PAPSS1: variants seen among roughly 807,000 people sequenced by gnomAD.
The protein encoded by PAPSS1 is 3'-phosphoadenosine 5'-phosphosulfate synthase 1.
A neutral mutation model predicts 72.0 loss-of-function variants in PAPSS1; 50 were observed. That is an observed-to-expected ratio of 0.69 (90% confidence interval 0.55 to 0.88). The LOEUF (loss-of-function observed/expected upper bound fraction) is 0.88, where lower values mean the gene tolerates loss of function less well. PAPSS1 is among the 40% of genes least tolerant of loss of function. The probability of loss-of-function intolerance (pLI) is 0.00; values close to 1 mark genes in which losing one functional copy is unlikely to be tolerated. For synonymous variants in PAPSS1, 261 were observed against 263.6 expected (o/e 0.99, Z 0.09); for missense variants, 657 against 782.2 (o/e 0.84, Z 1.91).
intron 3 of PAPSS1, among the ~76,000 whole-genome samples, chr4:107,691,012 C>T (rs138631148): frequency 8.8e-4 from 134 of 152,162 alleles, no homozygotes; most frequent in African/African-American, 2.9e-3. Context: ...TATTATGCTC[C>T]TATTATTTAT....
At position 107,701,151 on chromosome 4, in the gene PAPSS1, T is replaced by C. The variant is rs1189202849; in HGVS notation, c.175+20A>G. The C allele has an allele frequency of 1.9e-6, 3 of 1,540,728 alleles. No homozygotes were observed. The highest frequency in any genetic ancestry group is 2.2e-5 in the East Asian group (1 of 44,498). On this transcript the variant is annotated intron_variant, in intron 2 of 11. Transcript: ENST00000265174. ...ATGCACTGCTTTTAAAATAAACTGC[T>C]TTCTCTCTCTTGACCATACCTGTTA...
intron 1 of PAPSS1, among the ~76,000 whole-genome samples, chr4:107,718,671 A>G (rs1578444295): frequency 1.3e-5 from 2 of 152,264 alleles, no homozygotes; most frequent in South Asian, 4.1e-4. Flanking sequence ...GTCTAGCACA[A>G]GTCTCTACAT....
chr4:107,637,472 T>C (rs367574584), intron 10 of PAPSS1, among the ~76,000 whole-genome samples: 1 of 152,266 alleles, frequency 6.6e-6, no homozygotes, highest in East Asian at 1.9e-4. Context: ...CACTAAACCA[T>C]TCTCTCCCCA....
chr4:107,621,123 C>T (rs1431951810), intron 11 of PAPSS1, among the ~76,000 whole-genome samples: 2 of 152,094 alleles, frequency 1.3e-5, no homozygotes, highest in African/African-American at 4.8e-5. Flanking sequence ...CTACCTGCCC[C>T]CAGTGATACC....
At chr4:107,681,991 A>G in intron 5 of PAPSS1, 24 bp downstream of exon 5, 3 of 1,144,098 alleles carry the variant, frequency 2.6e-6, no homozygotes, top group Non-Finnish European at 1.3e-6. Flanking sequence ...TTCTCTGATG[A>G]TTCCTTCTTT....
intron 1 of PAPSS1, among the ~76,000 whole-genome samples, chr4:107,707,612 C>A (rs1723371833): frequency 6.6e-6 from 1 of 152,170 alleles, no homozygotes; most frequent in Non-Finnish European, 1.5e-5. Flanking sequence ...TCTTTCTCCA[C>A]GTGCTGCCTG....
rs141060947 is a variant in PAPSS1 at position 107,670,188 on chromosome 4, A to G, written c.670-10116T>C. Among the ~76,000 whole-genome samples, 24 of 152,344 alleles carry G rather than the reference A, an allele frequency of 1.6e-4. 1 individual carries two copies. In the East Asian group the frequency reaches 4.6e-3, roughly 29 times the overall value. Reference sequence around the variant, plus strand: ...TACTATAAATATGTCCCTTATAATAAGGACTCAGCAAATGTTAATTTCTTA... The same window carrying G: ...TACTATAAATATGTCCCTTATAATAGGGACTCAGCAAATGTTAATTTCTTA... On this transcript the variant is annotated intron_variant, in intron 5 of 11. Transcript: ENST00000265174.
chr4:107,692,306 A>C (rs1171826573), intron 3 of PAPSS1, among the ~76,000 whole-genome samples: 1 of 152,112 alleles, frequency 6.6e-6, no homozygotes, highest in Non-Finnish European at 1.5e-5. Flanking sequence ...ACAAGAAAAA[A>C]ACATTAAAAA....
chr4:107,638,334 T>A (rs896224313), intron 10 of PAPSS1, among the ~76,000 whole-genome samples: 1 of 152,226 alleles, frequency 6.6e-6, no homozygotes, highest in Non-Finnish European at 1.5e-5. Flanking sequence ...GGAGTCTGAA[T>A]TCTTCATTTC....
At chr4:107,658,007 T>C (rs1727065504) in intron 6 of PAPSS1, among the ~76,000 whole-genome samples, 1 of 152,046 alleles carries the variant, frequency 6.6e-6, no homozygotes, top group Non-Finnish European at 1.5e-5. Flanking sequence ...ATCATAGGGC[T>C]AGAAGGTATA....
intron 5 of PAPSS1, among the ~76,000 whole-genome samples, chr4:107,661,456 G>A (rs1439702227): frequency 6.6e-6 from 1 of 152,154 alleles, no homozygotes; most frequent in Non-Finnish European, 1.5e-5. Flanking sequence ...TCTTTAGTAG[G>A]TGAATAAACA....
chr4:107,644,850 T>C lies in PAPSS1; in HGVS notation c.1458A>G (p.Thr486=). Residue 486 remains threonine (T), a synonymous_variant, in exon 10 of 12, where the codon ACA becomes ACG. Transcript: ENST00000265174. The part of the protein sequence containing the change: ...LEEGVLNPET[T]VVAIFPSPMM... ...TGGGAGATGGGAAGATGGCCACCACTGTCGTCTCAGGATTCAGAACTCCTT... is the reference window on the plus strand; with the variant it reads ...TGGGAGATGGGAAGATGGCCACCACCGTCGTCTCAGGATTCAGAACTCCTT... The C allele has an allele frequency of 2.5e-6, 4 of 1,613,826 alleles. No homozygotes were observed. In the South Asian group the frequency reaches 3.3e-5, roughly 13 times the overall value.
chr4:107,644,763 T>C (rs376760638), intron 10 of PAPSS1, 39 bp downstream of exon 10: 160 of 1,566,526 alleles, frequency 1.0e-4, no homozygotes, highest in Non-Finnish European at 1.3e-4. Context: ...TAAGAGTGGC[T>C]TTAACACTGC....
chr4:107,618,153 G>T (rs1725870905), intron 11 of PAPSS1, among the ~76,000 whole-genome samples: 1 of 152,118 alleles, frequency 6.6e-6, no homozygotes, highest in Non-Finnish European at 1.5e-5. Flanking sequence ...TGTCAAAAAG[G>T]TAGAAAGAGA....
At chr4:107,707,466 A>C (rs1461440714) in intron 1 of PAPSS1, among the ~76,000 whole-genome samples, 1 of 152,062 alleles carries the variant, frequency 6.6e-6, no homozygotes, top group East Asian at 1.9e-4. Flanking sequence ...TTGGACGCTC[A>C]ATCCATAGGT....
intron 3 of PAPSS1, among the ~76,000 whole-genome samples, chr4:107,692,534 G>A (rs982047529): frequency 6.6e-6 from 1 of 152,172 alleles, no homozygotes; most frequent in African/African-American, 2.4e-5. Flanking sequence ...TACATTGTAG[G>A]TGAGAATGTA....
chr4:107,689,132 C>T (rs1346931482), intron 3 of PAPSS1, among the ~76,000 whole-genome samples: 1 of 152,030 alleles, frequency 6.6e-6, no homozygotes, highest in African/African-American at 2.4e-5. Flanking sequence ...CTCGGATCTG[C>T]TCAAAGCCAT....
intron 11 of PAPSS1, among the ~76,000 whole-genome samples, chr4:107,627,967 T>TA (rs569376052): frequency 1.1e-4 from 17 of 152,210 alleles, no homozygotes; most frequent in Non-Finnish European, 2.4e-4. Flanking sequence ...CCTAATTTTG[T>TA]ACAAGGGTAA....
intron 5 of PAPSS1, among the ~76,000 whole-genome samples, chr4:107,676,736 A>T (rs971314139): frequency 2.0e-5 from 3 of 152,210 alleles, no homozygotes; most frequent in African/African-American, 7.2e-5. Flanking sequence ...AGTCAATCCT[A>T]AGCCAAAAGA....
Sources: gnomAD v4.1 joint callset for allele counts (sites outside exome capture counted in the v4.1 genomes callset) on GRCh38, gnomAD v4.1.1 for gene constraint, MANE v1.5 for transcripts, NCBI Gene and HGNC (gene_info 2026-07-23, HGNC 2026-07-21) for gene names.